The following CFAP96 variants were observed in gnomAD, a reference collection of about 807,000 sequenced individuals.
The protein encoded by CFAP96 is cilia-and flagella-associated protein 96.
At chr4:185,444,155 T>G in the CFAP96 span, among the ~76,000 whole-genome samples, 931 of 146,036 alleles carry the variant, frequency 6.4e-3, 10 homozygotes, top group South Asian at 0.031. Context: ...GGGTTTCACC[T>G]TGTTAGCCAG....
chr4:185,410,202 C>T, the CFAP96 span, among the ~76,000 whole-genome samples: 4 of 151,684 alleles, frequency 2.6e-5, no homozygotes, highest in Admixed American at 1.3e-4. Context: ...TGGACATTAA[C>T]AAACACTTCT....
chr4:185,437,794 T>G, the CFAP96 span, among the ~76,000 whole-genome samples: 1 of 152,318 alleles, frequency 6.6e-6, no homozygotes, highest in East Asian at 1.9e-4. Flanking sequence ...TTTATCCTCA[T>G]TTTTAGAACT....
the CFAP96 span, chr4:185,435,958 T>TC: frequency 3.8e-6 from 4 of 1,053,930 alleles, no homozygotes; most frequent in Non-Finnish European, 5.2e-6. Context: ...TCTCTTTTTT[T>TC]CAATCTGTTT....
chr4:185,426,130 C>T, the CFAP96 span: 1 of 552,876 alleles, frequency 1.8e-6, no homozygotes, highest in Non-Finnish European at 3.3e-6. Context: ...CTCACACATC[C>T]TTCTGTGTGT....
chr4:185,416,159 T>G, the CFAP96 span: 1 of 200,820 alleles, frequency 5.0e-6, no homozygotes, highest in Non-Finnish European at 9.9e-6. Flanking sequence ...AAATATTATT[T>G]TAAAAAGAAA....
the CFAP96 span, among the ~76,000 whole-genome samples, chr4:185,417,267 C>T: frequency 6.6e-6 from 1 of 152,206 alleles, no homozygotes; most frequent in Admixed American, 6.5e-5. Flanking sequence ...AAAGAACTCA[C>T]CTGTACCCCT....
At chr4:185,410,024 T>C in the CFAP96 span, among the ~76,000 whole-genome samples, 2 of 152,212 alleles carry the variant, frequency 1.3e-5, no homozygotes, top group Non-Finnish European at 2.9e-5. Context: ...ATTTTTGTAG[T>C]TTTAAGCCAT....
chr4:185,412,475 G>A, the CFAP96 span, among the ~76,000 whole-genome samples: 5 of 152,030 alleles, frequency 3.3e-5, no homozygotes, highest in African/African-American at 9.7e-5. Context: ...AGTCCTGGAC[G>A]CTCAGAAGGT....
the CFAP96 span, chr4:185,415,645 T>A: frequency 7.0e-7 from 1 of 1,424,190 alleles, no homozygotes; most frequent in East Asian, 2.3e-5. Flanking sequence ...CTACAGGATA[T>A]ACAAACATGG....
chr4:185,431,634 ATC>A, the CFAP96 span, among the ~76,000 whole-genome samples: 1 of 152,214 alleles, frequency 6.6e-6, no homozygotes, highest in Non-Finnish European at 1.5e-5. Context: ...TCTCACTGAC[ATC>A]TCACACATGA....
At chr4:185,431,615 C>T in the CFAP96 span, among the ~76,000 whole-genome samples, 7 of 152,318 alleles carry the variant, frequency 4.6e-5, no homozygotes, top group African/African-American at 1.7e-4. Context: ...CTTCGACCTG[C>T]GCACACACTC....
At chr4:185,446,726 CA>C in the CFAP96 span, among the ~76,000 whole-genome samples, 1 of 132,706 alleles carries the variant, frequency 7.5e-6, no homozygotes, top group Non-Finnish European at 1.7e-5. Context: ...TAGCCCACAA[CA>C]TTTTTTGTGA....
chr4:185,436,411 A>C, the CFAP96 span: 1 of 1,320,216 alleles, frequency 7.6e-7, no homozygotes, highest in Non-Finnish European at 1.1e-6. Flanking sequence ...AGCTAACTCG[A>C]TATTAATAAT....
the CFAP96 span, chr4:185,431,880 C>A: frequency 2.1e-6 from 2 of 958,314 alleles, no homozygotes; most frequent in Non-Finnish European, 3.1e-6. Context: ...GCTCAAAATT[C>A]ATAATTGGCC....
the CFAP96 span, among the ~76,000 whole-genome samples, chr4:185,420,948 G>A: frequency 6.6e-6 from 1 of 152,236 alleles, no homozygotes; most frequent in Non-Finnish European, 1.5e-5. Flanking sequence ...TTTGGAATAA[G>A]ATTATAGTAA....
the CFAP96 span, among the ~76,000 whole-genome samples, chr4:185,441,175 C>T: frequency 1.3e-5 from 2 of 151,948 alleles, no homozygotes; most frequent in Non-Finnish European, 2.9e-5. Flanking sequence ...TTCTTAAAAC[C>T]ATAAAAAGCC....
the CFAP96 span, among the ~76,000 whole-genome samples, chr4:185,409,732 T>C: frequency 6.6e-6 from 1 of 152,224 alleles, no homozygotes; most frequent in Non-Finnish European, 1.5e-5. Context: ...AAGGTATTCA[T>C]AGACGTGATT....
At chr4:185,423,691 T>C in the CFAP96 span, among the ~76,000 whole-genome samples, 1 of 152,214 alleles carries the variant, frequency 6.6e-6, no homozygotes, top group Non-Finnish European at 1.5e-5. Context: ...ATCAGTTCTT[T>C]ACTTGGATCC....
At chr4:185,425,746 G>A in the CFAP96 span, 116 of 1,438,594 alleles carry the variant, frequency 8.1e-5, 1 homozygote, top group African/African-American at 1.4e-3. Flanking sequence ...CACGCAGCTC[G>A]CAGCTGCCAT....
Sources: allele counts gnomAD v4.1 joint callset (sites outside exome capture counted in the v4.1 genomes callset), GRCh38; gene constraint gnomAD v4.1.1; transcripts MANE v1.5; gene names NCBI Gene and HGNC (gene_info 2026-07-23, HGNC 2026-07-21).